The following PCDHA12 variants were observed in gnomAD, a reference collection of about 807,000 sequenced individuals.
The protein encoded by PCDHA12 is protocadherin alpha 12.
In PCDHA12, 44 loss-of-function variants were observed where a neutral mutation model predicts 60.0. The observed-to-expected ratio is 0.73, with a 90% CI of 0.58 to 0.94. The LOEUF (loss-of-function observed/expected upper bound fraction) is 0.94. PCDHA12 is among the 40% of genes least tolerant of loss of function. PCDHA12 has a pLI of 0.00. For synonymous variants in PCDHA12, 569 were observed against 553.0 expected (o/e 1.03, Z -0.40); for missense variants, 1,276 against 1,239.7 (o/e 1.03, Z -0.44).
chr5:140,993,562 C>G (rs1233872464), intron 3 of PCDHA12, among the ~76,000 whole-genome samples: 3 of 150,520 alleles, frequency 2.0e-5, no homozygotes, highest in Non-Finnish European at 4.4e-5. Flanking sequence ...TATATAGTAT[C>G]CTTTCTAGGG....
At chr5:140,881,239 A>G in intron 1 of PCDHA12, 1 of 370,812 alleles carries the variant, frequency 2.7e-6, no homozygotes. Flanking sequence ...AGTCAATTTA[A>G]ATGACGGCAA....
chr5:140,965,299 C>A (rs1295211520), intron 1 of PCDHA12, among the ~76,000 whole-genome samples: 4 of 152,134 alleles, frequency 2.6e-5, no homozygotes, highest in African/African-American at 7.2e-5. Context: ...TTCCTCTGAT[C>A]CTTCTACCTT....
intron 1 of PCDHA12, among the ~76,000 whole-genome samples, chr5:140,902,886 A>G (rs192404879): frequency 3.9e-5 from 6 of 152,276 alleles, no homozygotes; most frequent in Non-Finnish European, 7.4e-5. Flanking sequence ...TGCAAAAGCT[A>G]TTATTTTATT....
intron 1 of PCDHA12, among the ~76,000 whole-genome samples, chr5:140,904,645 T>A (rs1554191647): frequency 6.6e-6 from 1 of 152,128 alleles, no homozygotes; most frequent in Non-Finnish European, 1.5e-5. Context: ...CTCCACACTG[T>A]TTTCCATAGT....
At chr5:140,883,686 A>T in intron 1 of PCDHA12, 1 of 1,613,782 alleles carries the variant, frequency 6.2e-7, no homozygotes, top group South Asian at 1.1e-5. Context: ...CCGGGCTGCC[A>T]CATCTTCACG....
At chr5:140,926,938 G>C in intron 1 of PCDHA12, 1 of 1,581,492 alleles carries the variant, frequency 6.3e-7, no homozygotes. Context: ...GGTTTCCTGC[G>C]GCGCTGCAGC....
At chr5:140,916,929 G>A (rs2077785456) in intron 1 of PCDHA12, among the ~76,000 whole-genome samples, 1 of 152,214 alleles carries the variant, frequency 6.6e-6, no homozygotes, top group African/African-American at 2.4e-5. Context: ...GAGCACTTAA[G>A]CATATAGTGG....
intron 1 of PCDHA12, chr5:140,969,549 C>A: frequency 1.6e-6 from 2 of 1,238,176 alleles, no homozygotes; most frequent in South Asian, 3.3e-5. Context: ...AGGCATGAAG[C>A]CTTGTCCATA....
chr5:140,995,184 T>G (rs1382886542), intron 3 of PCDHA12, among the ~76,000 whole-genome samples: 3 of 152,168 alleles, frequency 2.0e-5, no homozygotes, highest in African/African-American at 7.2e-5. Flanking sequence ...GCACCTATGA[T>G]AAAGTTTAAT....
intron 3 of PCDHA12, among the ~76,000 whole-genome samples, chr5:140,993,102 C>T (rs979360910): frequency 2.6e-5 from 4 of 152,272 alleles, no homozygotes; most frequent in South Asian, 4.1e-4. Flanking sequence ...GTTTATTCAG[C>T]GGTCAGTGTC....
At chr5:140,948,665 A>T (rs2094288381) in intron 1 of PCDHA12, among the ~76,000 whole-genome samples, 1 of 151,668 alleles carries the variant, frequency 6.6e-6, no homozygotes. Flanking sequence ...ATCTGTAGTG[A>T]TAACATCTTT....
At chr5:140,931,057 T>C (rs1554208231) in intron 1 of PCDHA12, among the ~76,000 whole-genome samples, 1 of 152,196 alleles carries the variant, frequency 6.6e-6, no homozygotes, top group Admixed American at 6.5e-5. Context: ...CAATGCTGTG[T>C]CTGGGACTAA....
chr5:140,945,709 G>T (rs1033770128), intron 1 of PCDHA12, among the ~76,000 whole-genome samples: 1 of 151,930 alleles, frequency 6.6e-6, no homozygotes. Flanking sequence ...TGCAACAAAA[G>T]TATCAAGAAT....
chr5:140,939,812 A>T (rs1277082652), intron 1 of PCDHA12, among the ~76,000 whole-genome samples: 4 of 152,196 alleles, frequency 2.6e-5, no homozygotes, highest in Non-Finnish European at 2.9e-5. Flanking sequence ...ATGTTCAAGA[A>T]AAAGCAGTAT....
chr5:140,955,986 C>A (rs2095245113), intron 1 of PCDHA12, among the ~76,000 whole-genome samples: 1 of 152,124 alleles, frequency 6.6e-6, no homozygotes, highest in Non-Finnish European at 1.5e-5. Flanking sequence ...GCAATTTTTG[C>A]ACATTGATTT....
chr5:140,958,197 A>G (rs896064147), intron 1 of PCDHA12, among the ~76,000 whole-genome samples: 7 of 152,140 alleles, frequency 4.6e-5, no homozygotes, highest in Non-Finnish European at 1.0e-4. Context: ...CTGGTCTAGT[A>G]TACAAGGGAA....
chr5:140,902,465 T>C (rs535908878), intron 1 of PCDHA12, among the ~76,000 whole-genome samples: 4 of 152,280 alleles, frequency 2.6e-5, no homozygotes, highest in Non-Finnish European at 4.4e-5. Flanking sequence ...AGAAAAGGCT[T>C]TGAGTTTTTG....
At chr5:140,942,667 CA>C (rs2153659637) in intron 1 of PCDHA12, among the ~76,000 whole-genome samples, 1 of 151,384 alleles carries the variant, frequency 6.6e-6, no homozygotes, top group South Asian at 2.1e-4. Flanking sequence ...GCAATAAGCA[CA>C]AAAGTTTTAG....
chr5:140,884,682 A>C, intron 1 of PCDHA12: 5 of 1,546,956 alleles, frequency 3.2e-6, no homozygotes, highest in Non-Finnish European at 4.4e-6. Flanking sequence ...TATTTTAAAA[A>C]ATTGTCTTAG....
Sources: gnomAD v4.1 joint callset for allele counts (sites outside exome capture counted in the v4.1 genomes callset) on GRCh38, gnomAD v4.1.1 for gene constraint, MANE v1.5 for transcripts, NCBI Gene and HGNC (gene_info 2026-07-23, HGNC 2026-07-21) for gene names.